Variants in GRIPAP1 observed in about 807,000 individuals in gnomAD.
The protein encoded by GRIPAP1 is GRIP1-associated protein 1.
A neutral mutation model predicts 84.1 loss-of-function variants in GRIPAP1; 14 were observed. That is an observed-to-expected ratio of 0.17 (90% CI 0.11 to 0.26). The LOEUF (loss-of-function observed/expected upper bound fraction) is 0.26, where lower values mean the gene tolerates loss of function less well. GRIPAP1 is among the 10% of genes least tolerant of loss of function. The probability of loss-of-function intolerance (pLI) is 1.00; values close to 1 mark genes in which losing one functional copy is unlikely to be tolerated. For missense variants in GRIPAP1, 518 were observed against 674.2 expected, an observed-to-expected ratio of 0.77 and a Z score of 2.57; for synonymous variants, 261 against 256.8, an observed-to-expected ratio of 1.02 and a Z score of -0.15.
At chrX:48,998,232 C>A in intron 3 of GRIPAP1, 52 bp from the exon 4 acceptor site, 1 of 936,260 alleles carries the variant, frequency 1.1e-6, no homozygotes, top group Non-Finnish European at 1.5e-6. Flanking sequence ...GATGGACTGC[C>A]TTACTAGGAT....
intron 7 of GRIPAP1, 93 bp from the exon 8 acceptor site, chrX:48,990,825 C>A (rs1295083536): frequency 1.9e-6 from 2 of 1,036,564 alleles, no homozygotes; most frequent in East Asian, 6.1e-5. Flanking sequence ...CCCATCAGCC[C>A]ACAAGATGGT....
Position 48,983,802 on chromosome X carries a change from C to G in GRIPAP1, c.1245G>C (p.Leu415Phe). Residue 415 changes from leucine to phenylalanine, a missense_variant, in exon 15 of 26, where the codon TTG becomes TTC. Physicochemically the swap from Leu to Phe is conservative, Grantham distance 22 (BLOSUM62 0). This residue lies in a region of GRIPAP1 where 372 missense variants were observed against 458.1 expected (regional missense o/e 0.81). Coordinates refer to ENST00000376423, the MANE Select transcript of GRIPAP1 (RefSeq NM_020137.5). Reference protein sequence around the residue: ...LQEIGQEKEQLTQELQEARKS... With the variant: ...LQEIGQEKEQFTQELQEARKS... Reference sequence around the variant, plus strand: ...TCCGAGCCTCCTGTAATTCCTGGGTCAACTGCTCCTTCTCCTGCCCTATTT... The same window carrying G: ...TCCGAGCCTCCTGTAATTCCTGGGTGAACTGCTCCTTCTCCTGCCCTATTT... 2 of 1,191,027 alleles carry G rather than the reference C, an allele frequency of 1.7e-6. No homozygotes were observed. The highest frequency in any genetic ancestry group is 3.5e-5 in the South Asian group (2 of 56,517).
At chrX:48,985,784 G>A (rs931056481) in intron 13 of GRIPAP1, among the ~76,000 whole-genome samples, 1 of 110,201 alleles carries the variant, frequency 9.1e-6, no homozygotes, top group African/African-American at 3.3e-5. Flanking sequence ...AGGGGTAAAG[G>A]GGACCTTCTG....
At chrX:48,997,622 G>A (rs983824811) in intron 4 of GRIPAP1, among the ~76,000 whole-genome samples, 12 of 108,476 alleles carry the variant, frequency 1.1e-4, no homozygotes, top group Non-Finnish European at 1.5e-4. Flanking sequence ...TGGGGAGAGA[G>A]GAAGTAGAGA....
intron 11 of GRIPAP1, among the ~76,000 whole-genome samples, 175 bp downstream of exon 11, chrX:48,989,436 A>G (rs1369611595): frequency 2.7e-5 from 3 of 111,063 alleles, no homozygotes; most frequent in African/African-American, 9.8e-5. Flanking sequence ...GAAGACTCCT[A>G]TAACAATTCC....
In GRIPAP1 at chrX:48,983,318, C is replaced by T; in HGVS notation, c.1395G>A (p.Val465=). ...RLRHEKEVLG[V]RARYERELRE... ...GGAGCTCACGCTCATAGCGGGCACG[C>T]ACCCCCAGCACCTCCTTCTCATGCC... The change falls in exon 16 of 26, where the codon GTG becomes GTA. Residue 465 remains valine (V), a synonymous_variant. Coordinates refer to ENST00000376423, the MANE Select transcript of GRIPAP1 (RefSeq NM_020137.5). The T allele has an allele frequency of 1.7e-6, 2 of 1,211,673 alleles. No individual in the cohort carries two copies. Among genetic ancestry groups the T allele is most frequent in the South Asian group, 1.8e-5 (1 of 57,035 alleles).
At chrX:48,988,303 G>C (rs1241250011) in intron 11 of GRIPAP1, 105 bp from the exon 12 acceptor site, 1 of 551,746 alleles carries the variant, frequency 1.8e-6, no homozygotes, top group Non-Finnish European at 3.0e-6. Context: ...CTCAGCACCT[G>C]TGGGTCTCAG....
At position 48,983,770 on chromosome X, in the gene GRIPAP1, C is replaced by G. The variant is rs1557062941; in HGVS notation, c.1272+5G>C. The G allele has an allele frequency of 9.0e-7, 1 of 1,105,192 alleles. No individual in the cohort carries two copies. The highest frequency in any genetic ancestry group is 2.2e-5 in the Admixed American group (1 of 45,891). The allele number at this position is 1,105,192 out of a possible 1,213,427, so 91.1% of individuals were successfully genotyped here. ...CCTCTCCCTTCAACCCTCATGTTCC[C>G]CTACCTTCCGAGCCTCCTGTAATTC... On this transcript the variant is annotated splice_donor_5th_base_variant and intron_variant, in intron 15 of 25. Coordinates refer to ENST00000376423, the MANE Select transcript of GRIPAP1 (RefSeq NM_020137.5).
intron 14 of GRIPAP1, among the ~76,000 whole-genome samples, chrX:48,984,761 G>A (rs1304628476): frequency 4.5e-4 from 43 of 96,369 alleles, no homozygotes; most frequent in African/African-American, 1.3e-3. Flanking sequence ...GGTGGCTCAC[G>A]CCTGTAATAC....
intron 4 of GRIPAP1, 124 bp downstream of exon 4, chrX:48,998,030 G>T (rs891777018): frequency 7.0e-6 from 4 of 568,301 alleles, no homozygotes; most frequent in Admixed American, 2.3e-5. Flanking sequence ...ACACATGGCA[G>T]TGAGGTAGTA....
At chrX:48,985,591 C>T (rs1204769279) in intron 13 of GRIPAP1, among the ~76,000 whole-genome samples, 189 bp from the exon 14 acceptor site, 1 of 111,842 alleles carries the variant, frequency 8.9e-6, no homozygotes, top group Non-Finnish European at 1.9e-5. Flanking sequence ...AATGGAATAC[C>T]ACACAACAGT....
rs782609270 is a variant in GRIPAP1 at position 48,979,644 on chromosome X, T to C, written c.1931-1209A>G. Among the ~76,000 whole-genome samples, 12 of 107,135 alleles carry C rather than the reference T, an allele frequency of 1.1e-4. No homozygotes were observed. In the South Asian group the frequency reaches 5.2e-3, roughly 46 times the overall value. 93.0% of individuals were successfully genotyped at this position (107,135 alleles called of 115,157 possible). A position where few individuals can be genotyped will look rare whatever the true frequency, so the allele number is the denominator to read the frequency against. On this transcript the variant is annotated intron_variant, in intron 21 of 25. Transcript: ENST00000376423. Reference sequence around the variant, plus strand: ...TATTATTTTTTAGACAGAGTTTCAGTCTTGTCGCCCAGGCTGGAGTACAAT... The same window carrying C: ...TATTATTTTTTAGACAGAGTTTCAGCCTTGTCGCCCAGGCTGGAGTACAAT...
At chrX:48,997,920 G>A in intron 4 of GRIPAP1, 1 of 422,183 alleles carries the variant, frequency 2.4e-6, no homozygotes, top group East Asian at 4.1e-5. Context: ...CAGGAAAACA[G>A]ACAGAGACAG....
At chrX:48,995,006 A>C (rs1280725137) in intron 5 of GRIPAP1, among the ~76,000 whole-genome samples, 3 of 112,239 alleles carry the variant, frequency 2.7e-5, no homozygotes, top group African/African-American at 9.7e-5. Flanking sequence ...CCCAGAATGT[A>C]AGCTACCCAA....
At chrX:48,993,340 C>G in intron 6 of GRIPAP1, 88 bp downstream of exon 6, 2 of 872,923 alleles carry the variant, frequency 2.3e-6, no homozygotes, top group Non-Finnish European at 3.1e-6. Context: ...ATTTCTGAAG[C>G]CCTTCTCCTT....
At chrX:49,001,164 G>C (rs1404867201) in intron 1 of GRIPAP1, among the ~76,000 whole-genome samples, 1 of 111,648 alleles carries the variant, frequency 9.0e-6, no homozygotes, top group Non-Finnish European at 1.9e-5. Flanking sequence ...GGGTAGGCCA[G>C]TTGGATGACT....
intron 16 of GRIPAP1, 33 bp downstream of exon 16, chrX:48,983,195 G>A: frequency 8.5e-7 from 1 of 1,176,335 alleles, no homozygotes; most frequent in Non-Finnish European, 1.2e-6. Flanking sequence ...CCAGGTTTTA[G>A]AGGAAGAAGG....
At chrX:48,985,710 G>A (rs1457531131) in intron 13 of GRIPAP1, among the ~76,000 whole-genome samples, 3 of 111,554 alleles carry the variant, frequency 2.7e-5, no homozygotes, top group Non-Finnish European at 3.8e-5. Flanking sequence ...AAGAACAAGC[G>A]AAATGAATCT....
At chrX:48,999,577 C>T in intron 1 of GRIPAP1, 73 bp from the exon 2 acceptor site, 1 of 714,063 alleles carries the variant, frequency 1.4e-6, no homozygotes, top group Non-Finnish European at 2.2e-6. Context: ...GGAACCAAGC[C>T]CCTAAGCTCC....
Sources: gnomAD v4.1 joint callset for allele counts (sites outside exome capture counted in the v4.1 genomes callset) on GRCh38, gnomAD v4.1.1 for gene constraint, gnomAD v4.1.1 regional missense constraint, MANE v1.5 for transcripts, NCBI Gene and HGNC (gene_info 2026-07-23, HGNC 2026-07-21) for gene names.